Variants in NIN observed in about 807,000 individuals in gnomAD.
NIN encodes ninein.
Under a neutral mutation model 257.6 loss-of-function variants are expected in NIN, and 137 were observed. That is an observed-to-expected ratio of 0.53 (90% CI 0.46 to 0.61). The LOEUF (loss-of-function observed/expected upper bound fraction) is 0.61, where lower values mean the gene tolerates loss of function less well. Ranked by LOEUF, NIN falls within the 20% of genes least tolerant of loss-of-function variation. The pLI, the probability that NIN is intolerant of heterozygous loss-of-function variation, is 0.00. For missense variants in NIN, 2,439 were observed against 2,501.2 expected, an observed-to-expected ratio of 0.98 and a Z score of 0.53; for synonymous variants, 918 against 919.8, an observed-to-expected ratio of 1.00 and a Z score of 0.04.
At chr14:50,809,496 G>A (rs1441577405) in intron 3 of NIN, among the ~76,000 whole-genome samples, 1 of 152,186 alleles carries the variant, frequency 6.6e-6, no homozygotes, top group African/African-American at 2.4e-5. Context: ...AGAGTTACAA[G>A]TTGAACATGA....
In NIN at chr14:50,738,258, G is replaced by C. The variant is rs1566787184; in HGVS notation, c.5657C>G (p.Pro1886Arg). The change falls in exon 27 of 31, where the codon CCC (proline) becomes CGC (arginine). Residue 1886 changes from proline (P) to arginine (R), a missense_variant. Around this residue, in one of 3 missense-constraint regions of NIN, gnomAD observed 2,043 missense variants for 2,050.2 expected, o/e 1.00. Coordinates refer to ENST00000530997, the MANE Select transcript of NIN (RefSeq NM_020921.4). Reference sequence around the variant, plus strand: ...TGGGTTTAGATGTTTTTGGTGCTTGGGAAGAAGATTGGATTCCAACTGACG... The same window carrying C: ...TGGGTTTAGATGTTTTTGGTGCTTGCGAAGAAGATTGGATTCCAACTGACG... ...KVRQLESNLL[P>R]KHQKHLNPSG... The C allele has an allele frequency of 1.2e-6, 2 of 1,613,744 alleles. No individual in the cohort carries two copies. The highest frequency in any genetic ancestry group is 1.7e-6 in the Non-Finnish European group (2 of 1,179,814).
chr14:50,789,693 T>C (rs2043500579), intron 5 of NIN, among the ~76,000 whole-genome samples: 2 of 152,238 alleles, frequency 1.3e-5, no homozygotes, highest in African/African-American at 4.8e-5. Context: ...TCCCACACTC[T>C]GCAGCTGGGG....
At chr14:50,792,087 A>C (rs1332100348) in intron 5 of NIN, 1 of 152,276 alleles carries the variant, frequency 6.6e-6, no homozygotes, top group East Asian at 1.9e-4. Flanking sequence ...GGCAATATGC[A>C]AAATGAAAAG....
In NIN at chr14:50,727,397, T is replaced by C. The variant is rs554355673; in HGVS notation, c.6079-1331A>G. On this transcript the variant is annotated intron_variant, in intron 29 of 30. Transcript: ENST00000530997. ...ACAACATATGGAATGAGAAAATATA[T>C]AGACTACATCCTTTCAAGAATCTTA... 60 of 1,043,340 alleles carry C rather than the reference T, an allele frequency of 5.8e-5. No individual in the cohort carries two copies. The East Asian group carries it at 2.6e-3, about 45-fold the overall frequency. 64.6% of individuals were successfully genotyped at this position (1,043,340 alleles called of 1,614,324 possible).
At position 50,758,129 on chromosome 14, in the gene NIN, C is replaced by T. The variant is rs1379939985; in HGVS notation, c.2901G>A (p.Gln967=). The part of the protein sequence containing the change: ...QAGASEQLAS[Q]RLERLEMEHD... ...GTTCCATTTCTAGTCTTTCCAGCCGCTGGCTGGCCAGCTGCTCCGAAGCCC... is the reference window on the plus strand; with the variant it reads ...GTTCCATTTCTAGTCTTTCCAGCCGTTGGCTGGCCAGCTGCTCCGAAGCCC... The change falls in exon 18 of 31, where the codon CAG becomes CAA. Residue 967 remains glutamine, a synonymous_variant. Transcript: ENST00000530997. 2.5e-6 allele frequency: 4 copies of T among 1,614,128 alleles called. No individual in the cohort carries two copies. The highest frequency in any genetic ancestry group is 3.4e-6 in the Non-Finnish European group (4 of 1,180,056).
At chr14:50,769,007 G>C (rs776414667) in intron 12 of NIN, among the ~76,000 whole-genome samples, 9 of 152,170 alleles carry the variant, frequency 5.9e-5, no homozygotes, top group Non-Finnish European at 1.2e-4. Flanking sequence ...TCATGGTGTT[G>C]ATGTTGATTG....
intron 4 of NIN, among the ~76,000 whole-genome samples, chr14:50,803,765 A>G (rs1282409114): frequency 1.3e-5 from 2 of 152,220 alleles, no homozygotes; most frequent in Non-Finnish European, 2.9e-5. Context: ...TTACTTCCAT[A>G]AAGGGAGAGG....
At chr14:50,821,775 C>G in intron 3 of NIN, 99 bp downstream of exon 3, 2 of 905,128 alleles carry the variant, frequency 2.2e-6, no homozygotes, top group Non-Finnish European at 3.5e-6. Context: ...AGCCAGGATG[C>G]TAGAAACAAG....
intron 22 of NIN, among the ~76,000 whole-genome samples, chr14:50,747,285 C>T (rs1298782909): frequency 6.6e-6 from 1 of 152,204 alleles, no homozygotes; most frequent in African/African-American, 2.4e-5. Context: ...TCAGTTTCTT[C>T]AGTGCCTCAC....
In NIN at chr14:50,752,645, T is replaced by C. The variant is rs1417381146; in HGVS notation, c.4823A>G (p.Gln1608Arg). ...TTCTGTTAGACGTTGATTAAGTTCTTGCAGTTTTTCCTGGTTTTGAGAGTT... is the reference window on the plus strand; with the variant it reads ...TTCTGTTAGACGTTGATTAAGTTCTCGCAGTTTTTCCTGGTTTTGAGAGTT... ...QKNSQNQEKL[Q>R]ELNQRLTEML... The change falls in exon 21 of 31, where the codon CAA (glutamine) becomes CGA (arginine). Residue 1608 changes from glutamine to arginine, a missense_variant. Around this residue, in one of 3 missense-constraint regions of NIN, gnomAD observed 2,043 missense variants for 2,050.2 expected, o/e 1.00. Coordinates refer to ENST00000530997, the MANE Select transcript of NIN (RefSeq NM_020921.4). 1 of 1,613,958 alleles carries C rather than the reference T, an allele frequency of 6.2e-7. No homozygotes were observed.
At chr14:50,737,737 T>G (rs1221581945) in intron 27 of NIN, among the ~76,000 whole-genome samples, 1 of 150,728 alleles carries the variant, frequency 6.6e-6, no homozygotes, top group Non-Finnish European at 1.5e-5. Flanking sequence ...CTCCGCCTCC[T>G]GGGTTCCAGC....
intron 4 of NIN, among the ~76,000 whole-genome samples, chr14:50,800,048 A>ACACACACACACC (rs2044026642): frequency 7.0e-6 from 1 of 142,166 alleles, no homozygotes; most frequent in South Asian, 2.3e-4. Flanking sequence ...ACACACACAC[A>ACACACACACACC]ACTCCCAAGT....
intron 3 of NIN, among the ~76,000 whole-genome samples, chr14:50,811,498 C>G (rs1008864677): frequency 7.0e-6 from 1 of 143,568 alleles, no homozygotes; most frequent in Non-Finnish European, 1.5e-5. Flanking sequence ...ATTTAATACA[C>G]TCTTGTATAT....
Position 50,806,838 on chromosome 14 carries a change from G to C in NIN, c.184-20C>G. The C allele has an allele frequency of 2.4e-6, 3 of 1,238,252 alleles. No homozygotes were observed. The highest frequency in any genetic ancestry group is 4.8e-5 in the East Asian group (2 of 41,614). The allele number at this position is 1,238,252 out of a possible 1,614,324, so 76.7% of individuals were successfully genotyped here. On this transcript the variant is annotated intron_variant, in intron 3 of 30. Coordinates refer to ENST00000530997, the MANE Select transcript of NIN (RefSeq NM_020921.4). ...ATGTACCTAAAAAAAATTAAAAATA[G>C]ATTTAAAGTAATTTCCACAGCTCTA... is the stretch of plus-strand genomic sequence containing the variant.
intron 1 of NIN, 170 bp downstream of exon 1, chr14:50,830,836 C>A (rs1206113970): frequency 5.9e-5 from 9 of 151,502 alleles, no homozygotes; most frequent in Admixed American, 5.9e-4. Context: ...TCCTCCCGGC[C>A]CGCAGGGATT....
chr14:50,794,572 AT>A (rs1278447659), intron 4 of NIN: 1 of 592,826 alleles, frequency 1.7e-6, no homozygotes, highest in Non-Finnish European at 2.1e-6. Context: ...TTTATTACAT[AT>A]TCTTAAATTT....
chr14:50,758,603 T>A lies in NIN; in HGVS notation c.2427A>T (p.Arg809Ser). The A allele has an allele frequency of 6.4e-7, 1 of 1,572,718 alleles. No individual in the cohort carries two copies. The highest frequency in any genetic ancestry group is 1.4e-5 in the African/African-American group (1 of 72,854). Reference sequence around the variant, plus strand: ...ACTGGGCTTCTATTTGAGAGGTTCTTCTATTACACTCTGTTTCCATTTTTT... The same window carrying A: ...ACTGGGCTTCTATTTGAGAGGTTCTACTATTACACTCTGTTTCCATTTTTT... Reference protein sequence around the residue: ...GREKMETECNRRTSQIEAQFQ... With the variant: ...GREKMETECNSRTSQIEAQFQ... Residue 809 changes from arginine (R) to serine (S), a missense_variant, in exon 18 of 31, where the codon AGA becomes AGT. This residue lies in a region of NIN where 2,043 missense variants were observed against 2,050.2 expected (regional missense o/e 1.00). Coordinates refer to ENST00000530997, the MANE Select transcript of NIN (RefSeq NM_020921.4).
intron 4 of NIN, among the ~76,000 whole-genome samples, chr14:50,801,080 C>T (rs562931601): frequency 2.3e-5 from 3 of 132,492 alleles, no homozygotes; most frequent in Non-Finnish European, 4.7e-5. Context: ...TGAGCCACTG[C>T]GCCCGGCTTT....
chr14:50,771,143 C>A (rs1028651995), intron 10 of NIN, 151 bp from the exon 11 acceptor site: 3 of 1,174,082 alleles, frequency 2.6e-6, no homozygotes, highest in Non-Finnish European at 3.5e-6. Flanking sequence ...CCCTTCCCTT[C>A]AAAAGCCTAC....
Sources: gnomAD v4.1 joint callset for allele counts (sites outside exome capture counted in the v4.1 genomes callset) on GRCh38, gnomAD v4.1.1 for gene constraint, gnomAD v4.1.1 regional missense constraint, MANE v1.5 for transcripts, NCBI Gene and HGNC (gene_info 2026-07-23, HGNC 2026-07-21) for gene names.